PDLIM5: variants seen among roughly 807,000 people sequenced by gnomAD.
PDLIM5 encodes PDZ and LIM domain protein 5.
In PDLIM5, 34 loss-of-function variants were observed where a neutral mutation model predicts 64.2. The observed-to-expected ratio is 0.53, with a 90% CI of 0.40 to 0.71. PDLIM5 has a LOEUF of 0.71. Among genes scored for constraint, PDLIM5 ranks in the 30% least tolerant of loss-of-function variants. The pLI, the probability that PDLIM5 is intolerant of heterozygous loss-of-function variation, is 0.00. For missense variants in PDLIM5, 683 were observed against 733.6 expected, an observed-to-expected ratio of 0.93 and a Z score of 0.80; for synonymous variants, 253 against 269.1, an observed-to-expected ratio of 0.94 and a Z score of 0.59.
chr4:94,622,806 G>T (rs962535326), intron 8 of PDLIM5, among the ~76,000 whole-genome samples: 5 of 152,006 alleles, frequency 3.3e-5, no homozygotes, highest in African/African-American at 1.2e-4. Flanking sequence ...GAGTAGCTGG[G>T]ACTACAGGTG....
chr4:94,567,925 G>T (rs1734476550), intron 3 of PDLIM5, among the ~76,000 whole-genome samples: 1 of 152,160 alleles, frequency 6.6e-6, no homozygotes, highest in African/African-American at 2.4e-5. Flanking sequence ...CTAAACAGTT[G>T]TAAACAGTGT....
chr4:94,635,410 T>C (rs1163812630), intron 8 of PDLIM5, among the ~76,000 whole-genome samples: 1 of 151,942 alleles, frequency 6.6e-6, no homozygotes, highest in Non-Finnish European at 1.5e-5. Context: ...TCCTAGATTG[T>C]GAAATGGGGC....
chr4:94,625,514 G>A (rs1448254404), intron 8 of PDLIM5, among the ~76,000 whole-genome samples: 8 of 150,698 alleles, frequency 5.3e-5, no homozygotes, highest in Non-Finnish European at 7.4e-5. Context: ...GTGCAGTGGC[G>A]CTATTTAGGC....
chr4:94,655,530 G>T (rs1156673353), intron 10 of PDLIM5, among the ~76,000 whole-genome samples: 1 of 152,164 alleles, frequency 6.6e-6, no homozygotes, highest in Non-Finnish European at 1.5e-5. Context: ...CCTTAAATAT[G>T]TCTGAAACGT....
chr4:94,597,468 T>C (rs1737154333), intron 7 of PDLIM5, among the ~76,000 whole-genome samples: 1 of 152,066 alleles, frequency 6.6e-6, no homozygotes, highest in Admixed American at 6.6e-5. Context: ...ATTCAAGGGA[T>C]AAGTAAAAAA....
intron 2 of PDLIM5, among the ~76,000 whole-genome samples, chr4:94,462,154 C>A (rs1228713653): frequency 1.3e-5 from 2 of 152,158 alleles, no homozygotes; most frequent in African/African-American, 4.8e-5. Flanking sequence ...TGAGCCACTG[C>A]ACCCAGCTTA....
At chr4:94,565,076 G>A (rs1734198265) in intron 3 of PDLIM5, among the ~76,000 whole-genome samples, 1 of 152,172 alleles carries the variant, frequency 6.6e-6, no homozygotes, top group South Asian at 2.1e-4. Flanking sequence ...TTAAGGAAAA[G>A]ACACAGCATG....
At chr4:94,651,761 A>C (rs1343009233) in intron 9 of PDLIM5, among the ~76,000 whole-genome samples, 1 of 152,154 alleles carries the variant, frequency 6.6e-6, no homozygotes, top group Non-Finnish European at 1.5e-5. Context: ...TCAGGGAGGA[A>C]TTTTTCTGAA....
At position 94,575,715 on chromosome 4, in the gene PDLIM5, C is replaced by T. The variant is rs1224238557; in HGVS notation, c.391C>T (p.Pro131Ser). 3 of 1,613,954 alleles carry T rather than the reference C, an allele frequency of 1.9e-6. No individual in the cohort carries two copies. The highest frequency in any genetic ancestry group is 2.5e-6 in the Non-Finnish European group (3 of 1,179,942). The change falls in exon 5 of 13, where the codon CCT becomes TCT. Residue 131 changes from proline (P) to serine (S), a missense_variant. By Grantham distance (74) the Pro-to-Ser change is moderately conservative. Coordinates refer to ENST00000317968, the MANE Select transcript of PDLIM5 (RefSeq NM_006457.5). ...CATGGCCTACAATAAGGCACCACGGCCTTTTGGTTCTGTGTCTTCACCAAA... is the reference window on the plus strand; with the variant it reads ...CATGGCCTACAATAAGGCACCACGGTCTTTTGGTTCTGTGTCTTCACCAAA... ...NNMAYNKAPR[P>S]FGSVSSPKVT...
chr4:94,631,845 G>A (rs1350563838), intron 8 of PDLIM5, among the ~76,000 whole-genome samples: 1 of 152,146 alleles, frequency 6.6e-6, no homozygotes, highest in Non-Finnish European at 1.5e-5. Flanking sequence ...TTCCGCCTAA[G>A]GAGCTCTTCT....
At chr4:94,586,976 T>C (rs763438328) in intron 7 of PDLIM5, 3 of 1,300,268 alleles carry the variant, frequency 2.3e-6, no homozygotes, top group Non-Finnish European at 3.1e-6. Context: ...TTTTTTTTTT[T>C]GTATTTCCAC....
At position 94,575,828 on chromosome 4, in the gene PDLIM5, C is replaced by T. The variant is rs774444745; in HGVS notation, c.504C>T (p.Ala168=). The T allele has an allele frequency of 9.3e-6, 15 of 1,614,170 alleles. No homozygotes were observed. Among genetic ancestry groups the T allele is most frequent in the South Asian group, 6.6e-5 (6 of 91,088 alleles). Residue 168 remains alanine (A), a synonymous_variant, in exon 5 of 13, where the codon GCC becomes GCT. Transcript: ENST00000317968. ...SSHASPSPVA[A]VTPPLFAASG... is the part of the protein sequence containing the mutation. Reference sequence around the variant, plus strand: ...ATGCTTCCCCTTCACCCGTGGCTGCCGTCACTCCTCCCCTGTTCGCTGCAT... The same window carrying T: ...ATGCTTCCCCTTCACCCGTGGCTGCTGTCACTCCTCCCCTGTTCGCTGCAT...
Position 94,665,735 on chromosome 4 carries a change from T to C in PDLIM5, c.*1668T>C. ...AAAAATTAAAAGATTGGTTTGAGGA[T>C]GTGATGAAATTGAGACTTTTTGTGG... On this transcript the variant is annotated 3_prime_UTR_variant, in exon 13 of 13. Transcript: ENST00000317968. 1.7e-6 allele frequency: 2 copies of C among 1,208,878 alleles called. No homozygotes were observed. The highest frequency in any genetic ancestry group is 2.1e-6 in the Non-Finnish European group (2 of 972,194). 74.9% of individuals were successfully genotyped at this position (1,208,878 alleles called of 1,614,324 possible). A position where few individuals can be genotyped will look rare whatever the true frequency, so the allele number is the denominator to read the frequency against.
chr4:94,640,465 GA>G lies in PDLIM5; in HGVS notation c.1283+18del. 6.8e-7 allele frequency: 1 copy of G among 1,463,544 alleles called. No individual in the cohort carries two copies. Among genetic ancestry groups the G allele is most frequent in the South Asian group, 1.3e-5 (1 of 76,372 alleles). 90.7% of individuals were successfully genotyped at this position (1,463,544 alleles called of 1,614,324 possible). A position where few individuals can be genotyped will look rare whatever the true frequency, so the allele number is the denominator to read the frequency against. On this transcript the variant is annotated intron_variant, in intron 9 of 12. Coordinates refer to ENST00000317968, the MANE Select transcript of PDLIM5 (RefSeq NM_006457.5). ...CAGGTCATCAGGTTGGTTGTTTTTT[GA>G]AATTTTCTTGAAAGTACTTAATATC...
At chr4:94,645,317 A>T (rs1741327195) in intron 9 of PDLIM5, among the ~76,000 whole-genome samples, 1 of 152,164 alleles carries the variant, frequency 6.6e-6, no homozygotes, top group Non-Finnish European at 1.5e-5. Context: ...CCATTGATTG[A>T]TGGGCATTTG....
intron 11 of PDLIM5, among the ~76,000 whole-genome samples, chr4:94,658,716 T>C (rs1353996194): frequency 6.6e-6 from 1 of 152,204 alleles, no homozygotes; most frequent in Non-Finnish European, 1.5e-5. Flanking sequence ...TTCAGCTCCT[T>C]AGTTTAAACC....
At chr4:94,561,675 G>T (rs1733862737) in intron 3 of PDLIM5, among the ~76,000 whole-genome samples, 1 of 152,118 alleles carries the variant, frequency 6.6e-6, no homozygotes, top group Non-Finnish European at 1.5e-5. Flanking sequence ...GATCCTTGGA[G>T]CCAAAGTAAG....
chr4:94,532,982 G>A (rs1200468542), intron 3 of PDLIM5, among the ~76,000 whole-genome samples: 4 of 152,144 alleles, frequency 2.6e-5, no homozygotes, highest in African/African-American at 4.8e-5. Flanking sequence ...CAGACTGGGC[G>A]ACAGAGTGAG....
intron 8 of PDLIM5, among the ~76,000 whole-genome samples, chr4:94,623,596 G>C (rs1209213958): frequency 6.6e-6 from 1 of 151,572 alleles, no homozygotes. Flanking sequence ...TTTGAGGACA[G>C]GGACCAAGTC....
Sources: allele counts gnomAD v4.1 joint callset (sites outside exome capture counted in the v4.1 genomes callset), GRCh38; gene constraint gnomAD v4.1.1; transcripts MANE v1.5; gene names NCBI Gene and HGNC (gene_info 2026-07-23, HGNC 2026-07-21).